RBFOX1: variants seen among roughly 807,000 people sequenced by gnomAD.
RBFOX1 encodes the protein RNA binding fox-1 homolog 1, also known as RNA binding protein fox-1 homolog 1.
Under a neutral mutation model 57.7 loss-of-function variants are expected in RBFOX1, and 8 were observed. The ratio of observed to expected loss-of-function variants is 0.14; its 90% CI spans 0.08 to 0.25. The LOEUF is 0.25. Among genes scored for constraint, RBFOX1 ranks in the 10% least tolerant of loss-of-function variants. The probability of loss-of-function intolerance (pLI) is 1.00; values close to 1 mark genes in which losing one functional copy is unlikely to be tolerated. For missense variants in RBFOX1, 611 were observed against 548.5 expected (o/e 1.11, Z -1.14); for synonymous variants, 326 against 222.4 (o/e 1.47, Z -4.15).
chr16:5,827,893 C>T (rs1401846594), intron 3 of RBFOX1, among the ~76,000 whole-genome samples: 2 of 150,098 alleles, frequency 1.3e-5, no homozygotes, highest in Non-Finnish European at 3.0e-5. Flanking sequence ...ATCCATCCAT[C>T]CATCCATCCA....
intron 1 of RBFOX1, among the ~76,000 whole-genome samples, chr16:6,167,001 C>A (rs533031446): frequency 3.9e-5 from 6 of 152,096 alleles, no homozygotes; most frequent in Non-Finnish European, 5.9e-5. Flanking sequence ...TCTCAAACTC[C>A]TGACCTCATG....
intron 2 of RBFOX1, among the ~76,000 whole-genome samples, chr16:6,405,768 A>G (rs1036237498): frequency 4.6e-5 from 7 of 152,312 alleles, no homozygotes; most frequent in Middle Eastern, 3.4e-3. Context: ...CACTTTACAC[A>G]TGGGCTATTT....
At chr16:7,582,560 C>T (rs567904733) in intron 6 of RBFOX1, among the ~76,000 whole-genome samples, 49 of 152,288 alleles carry the variant, frequency 3.2e-4, no homozygotes, top group African/African-American at 1.1e-3. Flanking sequence ...GCAGGAATCA[C>T]ATTGTGAAGC....
At chr16:7,568,133 A>G (rs976596138) in intron 5 of RBFOX1, among the ~76,000 whole-genome samples, 1 of 152,138 alleles carries the variant, frequency 6.6e-6, no homozygotes, top group Non-Finnish European at 1.5e-5. Context: ...AAAGAATTCG[A>G]GGTGAATCCA....
At chr16:6,214,693 GA>G (rs2097322120) in intron 1 of RBFOX1, among the ~76,000 whole-genome samples, 1 of 127,088 alleles carries the variant, frequency 7.9e-6, no homozygotes, top group African/African-American at 3.0e-5. Context: ...GAGGGAGAAG[GA>G]AAGGGGGAGA....
At chr16:7,585,134 A>C (rs1362697107) in intron 6 of RBFOX1, among the ~76,000 whole-genome samples, 2 of 152,230 alleles carry the variant, frequency 1.3e-5, no homozygotes, top group Non-Finnish European at 2.9e-5. Flanking sequence ...TGCCTGAAAT[A>C]AATATGATAG....
intron 3 of RBFOX1, among the ~76,000 whole-genome samples, chr16:5,763,369 C>T (rs1015366158): frequency 3.3e-5 from 5 of 152,182 alleles, no homozygotes; most frequent in African/African-American, 9.6e-5. Context: ...GGGTGACTCG[C>T]TCCCAGCTAC....
intron 1 of RBFOX1, among the ~76,000 whole-genome samples, chr16:5,265,512 C>G (rs1406384367): frequency 6.6e-6 from 1 of 152,174 alleles, no homozygotes; most frequent in Non-Finnish European, 1.5e-5. Context: ...TGATTCCCAA[C>G]TATCAGTAAG....
chr16:7,099,017 C>T (rs1394065962), intron 4 of RBFOX1, among the ~76,000 whole-genome samples: 1 of 152,026 alleles, frequency 6.6e-6, no homozygotes, highest in East Asian at 1.9e-4. Flanking sequence ...GGGTCAGTGT[C>T]CAAACTCTCT....
chr16:6,247,624 A>G (rs2097576431), intron 1 of RBFOX1, among the ~76,000 whole-genome samples: 1 of 152,216 alleles, frequency 6.6e-6, no homozygotes, highest in Non-Finnish European at 1.5e-5. Context: ...TACAGGAGTC[A>G]TAGTTATTAT....
In RBFOX1 at chr16:6,305,126, T is replaced by G. The variant is rs76114673; in HGVS notation, c.-126-11869T>G. 2.0e-5 allele frequency among the ~76,000 whole-genome samples: 3 copies of G among 152,292 alleles called. No individual in the cohort carries two copies. In the East Asian group the frequency reaches 5.8e-4, roughly 30 times the overall value. On this transcript the variant is annotated intron_variant, in intron 1 of 15. Transcript: ENST00000550418. ...AAAAGCACATCAATCAGTGTCTTTC[T>G]CGGGTTATCCCAAATCCTTCCACGG...
intron 2 of RBFOX1, among the ~76,000 whole-genome samples, chr16:6,556,276 C>T (rs1312520721): frequency 6.6e-6 from 1 of 152,152 alleles, no homozygotes; most frequent in Non-Finnish European, 1.5e-5. Flanking sequence ...GCATCTTTGT[C>T]AGTCAGGGGG....
intron 3 of RBFOX1, among the ~76,000 whole-genome samples, chr16:6,834,737 C>A (rs574856856): frequency 6.6e-6 from 1 of 152,062 alleles, no homozygotes; most frequent in South Asian, 2.1e-4. Context: ...CTCTGACCTG[C>A]GACTGCTCGT....
intron 2 of RBFOX1, among the ~76,000 whole-genome samples, chr16:5,501,650 G>A (rs2043201568): frequency 6.6e-6 from 1 of 152,174 alleles, no homozygotes; most frequent in Admixed American, 6.5e-5. Context: ...ATGAGATGAT[G>A]CCGTCAAATC....
Position 5,663,064 on chromosome 16 carries a change from C to T in RBFOX1, c.318+64103C>T, listed in dbSNP as rs563073335. ...AAATTTTTGATTGTCACATCTGGGGCAGGGAGTGTGTTGCTGACATGTGGT... is the reference window on the plus strand; with the variant it reads ...AAATTTTTGATTGTCACATCTGGGGTAGGGAGTGTGTTGCTGACATGTGGT... On this transcript the variant is annotated intron_variant, in intron 3 of 19. Transcript: ENST00000641259. 2.0e-5 allele frequency among the ~76,000 whole-genome samples: 3 copies of T among 152,202 alleles called. No individual in the cohort carries two copies. The South Asian group carries it at 6.2e-4, about 32-fold the overall frequency.
chr16:5,850,213 G>T (rs935033917), intron 3 of RBFOX1, among the ~76,000 whole-genome samples: 1 of 152,182 alleles, frequency 6.6e-6, no homozygotes, highest in African/African-American at 2.4e-5. Flanking sequence ...AGGGGATGCT[G>T]CTTGGCCGAA....
At chr16:7,455,444 A>T (rs1275711861) in intron 4 of RBFOX1, among the ~76,000 whole-genome samples, 1 of 152,266 alleles carries the variant, frequency 6.6e-6, no homozygotes, top group East Asian at 1.9e-4. Flanking sequence ...TTTGCAAGAA[A>T]ATATTAAATA....
chr16:6,870,777 T>A (rs2060726765), intron 3 of RBFOX1, among the ~76,000 whole-genome samples: 5 of 152,168 alleles, frequency 3.3e-5, no homozygotes, highest in Admixed American at 3.3e-4. Context: ...ACTAAACAAC[T>A]GTTTCACTAC....
chr16:6,554,214 C>G (rs935835729), intron 2 of RBFOX1, among the ~76,000 whole-genome samples: 4 of 152,072 alleles, frequency 2.6e-5, no homozygotes, highest in Non-Finnish European at 5.9e-5. Flanking sequence ...CCTTTATTTC[C>G]CTACTGAGTA....
Sources: gnomAD v4.1 joint callset for allele counts (sites outside exome capture counted in the v4.1 genomes callset) on GRCh38, gnomAD v4.1.1 for gene constraint, MANE v1.5 for transcripts, NCBI Gene and HGNC (gene_info 2026-07-23, HGNC 2026-07-21) for gene names.